The following MYOCD variants were observed in gnomAD, a reference collection of about 807,000 sequenced individuals.
MYOCD encodes myocardin.
MYOCD carries 32 observed loss-of-function variants against 96.1 expected under a neutral mutation model. That is an observed-to-expected ratio of 0.33 (90% CI 0.25 to 0.45). The LOEUF (loss-of-function observed/expected upper bound fraction) is 0.45. Ranked by LOEUF, MYOCD falls within the 20% of genes least tolerant of loss-of-function variation. The pLI, the probability that MYOCD is intolerant of heterozygous loss-of-function variation, is 1.00. For synonymous variants in MYOCD, 469 were observed against 469.0 expected (o/e 1.00, Z 0.00); for missense variants, 1,133 against 1,200.6 (o/e 0.94, Z 0.83).
At position 12,763,248 on chromosome 17, in the gene MYOCD, T is replaced by C; in HGVS notation, c.2565T>C (p.Leu855=). Residue 855 remains leucine (L), a synonymous_variant, in exon 14 of 14, where the codon CTT becomes CTC. Transcript: ENST00000425538. ...DPYATDSDEH[L]EVLLNSQSPL... is the part of the protein sequence containing the mutation. ...ATGCCACCGACAGTGATGAGCATCTTGAAGTCTTATTAAATTCCCAGAGCC... is the reference window on the plus strand; with the variant it reads ...ATGCCACCGACAGTGATGAGCATCTCGAAGTCTTATTAAATTCCCAGAGCC... 6.2e-7 allele frequency: 1 copy of C among 1,613,948 alleles called. No individual in the cohort carries two copies. Among genetic ancestry groups the C allele is most frequent in the East Asian group, 2.2e-5 (1 of 44,872 alleles).
At chr17:12,706,232 A>T (rs1220744171) in intron 2 of MYOCD, 1 of 152,200 alleles carries the variant, frequency 6.6e-6, no homozygotes, top group Non-Finnish European at 1.5e-5. Flanking sequence ...TTAAAGTGGG[A>T]CAACTCTGTT....
At chr17:12,707,549 C>CA (rs200538513) in intron 2 of MYOCD, among the ~76,000 whole-genome samples, 3,485 of 151,336 alleles carry the variant, frequency 0.023, 157 homozygotes, top group Admixed American at 0.11. Flanking sequence ...ACTAAAAATA[C>CA]AAAAAAAAGA....
intron 1 of MYOCD, among the ~76,000 whole-genome samples, chr17:12,668,433 C>T (rs545537255): frequency 1.3e-5 from 2 of 152,276 alleles, no homozygotes; most frequent in African/African-American, 2.4e-5. Context: ...CCCACTGTGA[C>T]GGGGTTTATT....
chr17:12,691,047 T>C (rs1476526126), intron 1 of MYOCD, among the ~76,000 whole-genome samples: 1 of 152,220 alleles, frequency 6.6e-6, no homozygotes, highest in Non-Finnish European at 1.5e-5. Flanking sequence ...AGCTCTATTG[T>C]TGCACATTCG....
At chr17:12,698,650 G>A (rs1162545378) in intron 1 of MYOCD, among the ~76,000 whole-genome samples, 1 of 148,902 alleles carries the variant, frequency 6.7e-6, no homozygotes, top group Non-Finnish European at 1.5e-5. Context: ...AAAAAAAGAA[G>A]TATGGAAATG....
At chr17:12,712,806 G>A (rs1325566260) in intron 2 of MYOCD, among the ~76,000 whole-genome samples, 1 of 152,162 alleles carries the variant, frequency 6.6e-6, no homozygotes, top group African/African-American at 2.4e-5. Flanking sequence ...TAAAAATTTA[G>A]AATCCAAATT....
At position 12,739,247 on chromosome 17, in the gene MYOCD, A is replaced by T. The variant is rs1597796033; in HGVS notation, c.636A>T (p.Ser212=). ...GSENDRNDSA[S]QPSHQSDAGK... is the part of the protein sequence containing the mutation. Reference sequence around the variant, plus strand: ...AAAATGACAGAAATGACTCAGCCTCACAGCCCAGCCACCAGTCAGATGCGG... The same window carrying T: ...AAAATGACAGAAATGACTCAGCCTCTCAGCCCAGCCACCAGTCAGATGCGG... Residue 212 remains serine, a synonymous_variant, in exon 7 of 14, where the codon TCA becomes TCT. Transcript: ENST00000425538. The T allele has an allele frequency of 6.2e-7, 1 of 1,610,882 alleles. No homozygotes were observed. Among genetic ancestry groups the T allele is most frequent in the East Asian group, 2.2e-5 (1 of 44,690 alleles).
chr17:12,668,756 C>A (rs1401743393), intron 1 of MYOCD, among the ~76,000 whole-genome samples: 1 of 152,000 alleles, frequency 6.6e-6, no homozygotes, highest in Non-Finnish European at 1.5e-5. Context: ...TGTGCCTCAA[C>A]TTGCCTCACC....
chr17:12,676,081 T>TG (rs540170481), intron 1 of MYOCD, among the ~76,000 whole-genome samples: 93 of 151,846 alleles, frequency 6.1e-4, no homozygotes, highest in Non-Finnish European at 1.1e-3. Context: ...CTAATAGTGG[T>TG]GGGGAAAAAA....
rs761796755 is a variant in MYOCD at position 12,744,266 on chromosome 17, G to C, written c.801G>C (p.Gln267His). ...KPKVKKLKYH[Q>H]YIPPDQKAEK... Reference sequence around the variant, plus strand: ...AGGTGAAGAAGCTTAAATATCACCAGTACATTCCCCCAGACCAGAAGGCAG... The same window carrying C: ...AGGTGAAGAAGCTTAAATATCACCACTACATTCCCCCAGACCAGAAGGCAG... Residue 267 changes from glutamine (Q) to histidine (H), a missense_variant, in exon 8 of 14, where the codon CAG (glutamine) becomes CAC (histidine). Physicochemically the swap from Gln to His is conservative, Grantham distance 24. Coordinates refer to ENST00000425538, the MANE Select transcript of MYOCD (RefSeq NM_001146312.3). 6.2e-7 allele frequency: 1 copy of C among 1,614,056 alleles called. No homozygotes were observed. The highest frequency in any genetic ancestry group is 8.5e-7 in the Non-Finnish European group (1 of 1,180,042).
rs146537889 is a variant in MYOCD, at chr17:12,717,189, T to C, written c.178-157T>C. Among the ~76,000 whole-genome samples, 5 of 152,290 alleles carry C rather than the reference T, an allele frequency of 3.3e-5. 1 individual carries two copies. Among genetic ancestry groups the C allele is most frequent in the African/African-American group, 4.8e-5 (2 of 41,564 alleles). On this transcript the variant is annotated intron_variant, in intron 3 of 13. Transcript: ENST00000425538. ...TCTTATTTTCCCATCTAAAAATTACTCGAGGGGTCTTTGGAAATGTTCCTT... is the reference window on the plus strand; with the variant it reads ...TCTTATTTTCCCATCTAAAAATTACCCGAGGGGTCTTTGGAAATGTTCCTT...
At chr17:12,677,521 G>A (rs1179706884) in intron 1 of MYOCD, among the ~76,000 whole-genome samples, 1 of 151,946 alleles carries the variant, frequency 6.6e-6, no homozygotes, top group African/African-American at 2.4e-5. Flanking sequence ...GACCAACCTG[G>A]CTAACACAGT....
rs150267238 is a variant in MYOCD at position 12,692,983 on chromosome 17, A to T, written c.56-12145A>T. Among the ~76,000 whole-genome samples, 978 of 152,294 alleles carry T rather than the reference A, an allele frequency of 6.4e-3. 6 individuals carry two copies. The highest frequency in any genetic ancestry group is 0.017 in the Middle Eastern group (5 of 294). ...GTCGCAGCTCCCGTGTTGTGCAGAG[A>T]TAGTATAGCTCCCATTCTTGAGTTG... On this transcript the variant is annotated intron_variant, in intron 1 of 13. Coordinates refer to ENST00000425538, the MANE Select transcript of MYOCD (RefSeq NM_001146312.3).
chr17:12,697,353 ATATATATTTT>A (rs1381676983), intron 1 of MYOCD, among the ~76,000 whole-genome samples: 13 of 86,778 alleles, frequency 1.5e-4, no homozygotes, highest in East Asian at 9.0e-4. Context: ...ATATATATAT[ATATATATTTT>A]TTTTTTTTTT....
chr17:12,754,061 G>GGTGTGTGTGTGTGTGTGTGT (rs71144923), intron 10 of MYOCD, among the ~76,000 whole-genome samples: 2 of 149,478 alleles, frequency 1.3e-5, no homozygotes, highest in Non-Finnish European at 3.0e-5. Context: ...AAAGCAAAGA[G>GGTGTGTGTGTGTGTGTGTGT]GTGTGTGTGT....
intron 4 of MYOCD, among the ~76,000 whole-genome samples, chr17:12,722,484 C>T (rs2031868234): frequency 6.6e-6 from 1 of 152,190 alleles, no homozygotes; most frequent in African/African-American, 2.4e-5. Flanking sequence ...TACTGCAGGC[C>T]TAGCCTGTGC....
At chr17:12,676,825 C>G (rs934883638) in intron 1 of MYOCD, among the ~76,000 whole-genome samples, 2 of 152,140 alleles carry the variant, frequency 1.3e-5, no homozygotes, top group African/African-American at 4.8e-5. Context: ...CAAATCCTGG[C>G]CTCCATCCTT....
rs188442427 is a variant in MYOCD at position 12,674,079 on chromosome 17, C to T, written c.55+7836C>T. Among the ~76,000 whole-genome samples the T allele has an allele frequency of 1.6e-3, 249 of 152,250 alleles. 1 individual carries two copies. The highest frequency in any genetic ancestry group is 2.6e-3 in the Non-Finnish European group (177 of 68,002). On this transcript the variant is annotated intron_variant, in intron 1 of 13. Transcript: ENST00000425538. ...TACTGAACCTATTATCTGTGGGCAC[C>T]TTTATCATCTCATTTAATCCTTACA... is the stretch of plus-strand genomic sequence containing the variant.
intron 1 of MYOCD, 140 bp from the exon 2 acceptor site, chr17:12,704,987 CA>C (rs2031231477): frequency 1.6e-6 from 1 of 642,392 alleles, no homozygotes; most frequent in Admixed American, 2.9e-5. Context: ...ACTGTGTCTA[CA>C]ACAGAAATTA....
Sources: gnomAD v4.1 joint callset for allele counts (sites outside exome capture counted in the v4.1 genomes callset) on GRCh38, gnomAD v4.1.1 for gene constraint, MANE v1.5 for transcripts, NCBI Gene and HGNC (gene_info 2026-07-23, HGNC 2026-07-21) for gene names.